GPC5: variants seen among roughly 807,000 people sequenced by gnomAD.
GPC5 encodes the protein glypican 5, also known as glypican-5.
Under a neutral mutation model 53.9 loss-of-function variants are expected in GPC5, and 47 were observed. The ratio of observed to expected loss-of-function variants is 0.87; its 90% CI spans 0.69 to 1.11. The LOEUF is 1.11. Among genes scored for constraint, GPC5 ranks in the 50% most tolerant of loss-of-function variants. GPC5 has a pLI of 0.00. For missense variants in GPC5, 748 were observed against 713.1 expected, an observed-to-expected ratio of 1.05 and a Z score of -0.56; for synonymous variants, 286 against 263.3, an observed-to-expected ratio of 1.09 and a Z score of -0.84.
chr13:91,894,960 T>A (rs1282877116), intron 5 of GPC5, among the ~76,000 whole-genome samples: 1 of 151,906 alleles, frequency 6.6e-6, no homozygotes, highest in Non-Finnish European at 1.5e-5. Flanking sequence ...AGAAAGCAAT[T>A]GCCAGGAAAG....
At chr13:91,784,288 A>G (rs761693542) in intron 5 of GPC5, among the ~76,000 whole-genome samples, 2 of 152,226 alleles carry the variant, frequency 1.3e-5, no homozygotes, top group Non-Finnish European at 2.9e-5. Flanking sequence ...ATTTGTATCA[A>G]AAGAATTATT....
intron 5 of GPC5, among the ~76,000 whole-genome samples, chr13:91,810,198 G>A (rs1217008356): frequency 6.6e-6 from 1 of 151,828 alleles, no homozygotes; most frequent in African/African-American, 2.4e-5. Flanking sequence ...AATATGACCA[G>A]GCCCTAAGAT....
At chr13:91,953,157 A>G (rs1006267289) in intron 6 of GPC5, among the ~76,000 whole-genome samples, 4 of 152,216 alleles carry the variant, frequency 2.6e-5, no homozygotes, top group Non-Finnish European at 5.9e-5. Context: ...GCATAGTTTT[A>G]TCAACAGAGA....
rs553155764 is a variant in GPC5, at chr13:92,100,988, ATATC to A, written c.1402-43837_1402-43834del. 1.3e-3 allele frequency among the ~76,000 whole-genome samples: 195 copies of A among 152,310 alleles called. 8 individuals are homozygous for A. In the South Asian group the frequency reaches 0.035, roughly 27 times the overall value. Reference sequence around the variant, plus strand: ...ATAGTAAAATAATATCTCTTGAAATATATCTATCCCCTAGAGATTCTACCAAAAA... The same window carrying A: ...ATAGTAAAATAATATCTCTTGAAATATATCCCCTAGAGATTCTACCAAAAA... On this transcript the variant is annotated intron_variant, in intron 6 of 7. Transcript: ENST00000377067.
intron 7 of GPC5, among the ~76,000 whole-genome samples, chr13:92,316,461 A>T (rs1465177540): frequency 1.3e-5 from 2 of 152,126 alleles, no homozygotes; most frequent in African/African-American, 4.8e-5. Flanking sequence ...TTTCAGTATA[A>T]TTACTTTTTT....
chr13:92,578,308 G>A (rs1322881786), intron 7 of GPC5, among the ~76,000 whole-genome samples: 1 of 152,170 alleles, frequency 6.6e-6, no homozygotes, highest in Non-Finnish European at 1.5e-5. Context: ...GAGCAACGAA[G>A]TTTGAGCATT....
intron 7 of GPC5, among the ~76,000 whole-genome samples, chr13:92,412,085 G>T (rs1224764069): frequency 6.6e-6 from 1 of 152,110 alleles, no homozygotes; most frequent in African/African-American, 2.4e-5. Flanking sequence ...TATCACACTA[G>T]TTTGGAGTAA....
At chr13:92,266,508 C>T (rs940724201) in intron 7 of GPC5, among the ~76,000 whole-genome samples, 3 of 152,080 alleles carry the variant, frequency 2.0e-5, no homozygotes, top group Admixed American at 6.6e-5. Context: ...CAGAAAACAT[C>T]GGAGAATTCA....
At chr13:91,751,784 C>T (rs1356384054) in intron 4 of GPC5, among the ~76,000 whole-genome samples, 1 of 152,202 alleles carries the variant, frequency 6.6e-6, no homozygotes, top group African/African-American at 2.4e-5. Flanking sequence ...AACGAGCATA[C>T]ATAAGAACAA....
chr13:92,729,704 T>C (rs1166813589), intron 7 of GPC5, among the ~76,000 whole-genome samples: 1 of 151,410 alleles, frequency 6.6e-6, no homozygotes, highest in Non-Finnish European at 1.5e-5. Flanking sequence ...TGACATAGTT[T>C]CAGATGTTGC....
chr13:92,208,308 A>G (rs2042351912), intron 7 of GPC5, among the ~76,000 whole-genome samples: 2 of 152,232 alleles, frequency 1.3e-5, no homozygotes, highest in Non-Finnish European at 2.9e-5. Context: ...GTATCCATTT[A>G]CTAGGCTGGT....
chr13:92,264,826 T>A (rs535818794), intron 7 of GPC5, among the ~76,000 whole-genome samples: 3 of 151,832 alleles, frequency 2.0e-5, no homozygotes, highest in Admixed American at 1.3e-4. Context: ...TTATTGAAAC[T>A]TTTTTTTGTG....
intron 6 of GPC5, among the ~76,000 whole-genome samples, chr13:92,119,462 G>A (rs1439285306): frequency 2.1e-5 from 3 of 139,636 alleles, no homozygotes; most frequent in Non-Finnish European, 3.0e-5. Context: ...GCAGTGGCGC[G>A]ATCTCGGCTC....
chr13:92,222,849 A>G (rs963834359), intron 7 of GPC5, among the ~76,000 whole-genome samples: 1 of 152,322 alleles, frequency 6.6e-6, no homozygotes, highest in East Asian at 1.9e-4. Context: ...TTTTTATGAC[A>G]AAATTAGCAT....
At chr13:91,915,537 C>A (rs747277828) in intron 6 of GPC5, among the ~76,000 whole-genome samples, 8 of 152,018 alleles carry the variant, frequency 5.3e-5, no homozygotes, top group Non-Finnish European at 7.4e-5. Flanking sequence ...GTGGATGCTG[C>A]TGATTTTACA....
intron 6 of GPC5, among the ~76,000 whole-genome samples, chr13:91,947,888 ATGAT>A (rs1422823199): frequency 6.6e-6 from 1 of 152,132 alleles, no homozygotes; most frequent in Non-Finnish European, 1.5e-5. Flanking sequence ...TAATGAAAGA[ATGAT>A]TGAGTTGATA....
chr13:91,454,579 T>C (rs565925995), intron 2 of GPC5, among the ~76,000 whole-genome samples: 21 of 152,220 alleles, frequency 1.4e-4, no homozygotes, highest in African/African-American at 4.6e-4. Flanking sequence ...ATCATTTTGC[T>C]ATTTGTTTTT....
chr13:92,450,415 A>G (rs1242751478), intron 7 of GPC5, among the ~76,000 whole-genome samples: 1 of 152,174 alleles, frequency 6.6e-6, no homozygotes, highest in African/African-American at 2.4e-5. Context: ...AGCTAATTGT[A>G]GACAGTATTT....
At chr13:92,305,891 G>A (rs1282451148) in intron 7 of GPC5, among the ~76,000 whole-genome samples, 6 of 152,184 alleles carry the variant, frequency 3.9e-5, no homozygotes, top group Non-Finnish European at 8.8e-5. Context: ...CAGGGGAATA[G>A]CTTTTAGGGT....
Sources: allele counts gnomAD v4.1 joint callset (sites outside exome capture counted in the v4.1 genomes callset), GRCh38; gene constraint gnomAD v4.1.1; transcripts MANE v1.5; gene names NCBI Gene and HGNC (gene_info 2026-07-23, HGNC 2026-07-21).